CCDC178: variants seen among roughly 807,000 people sequenced by gnomAD.
CCDC178 encodes the protein coiled-coil domain-containing protein 178.
CCDC178 carries 126 observed loss-of-function variants against 117.4 expected under a neutral mutation model. The ratio of observed to expected loss-of-function variants is 1.07; its 90% confidence interval spans 0.93 to 1.24. The LOEUF is 1.24. Among genes scored for constraint, CCDC178 ranks in the 50% most tolerant of loss-of-function variants. The probability of loss-of-function intolerance (pLI) is 0.00; values close to 1 mark genes in which losing one functional copy is unlikely to be tolerated. For missense variants in CCDC178, 1,030 were observed against 986.9 expected (o/e 1.04, Z -0.59); for synonymous variants, 283 against 313.4 (o/e 0.90, Z 1.02).
At chr18:33,188,395 C>T (rs113039850) in intron 20 of CCDC178, among the ~76,000 whole-genome samples, 41 of 152,118 alleles carry the variant, frequency 2.7e-4, no homozygotes, top group African/African-American at 9.4e-4. Context: ...AATCAAATGT[C>T]CTTAAAATAT....
chr18:33,174,124 G>A (rs2058635810), intron 20 of CCDC178, among the ~76,000 whole-genome samples: 1 of 152,182 alleles, frequency 6.6e-6, no homozygotes, highest in Non-Finnish European at 1.5e-5. Flanking sequence ...CATGGTGGAA[G>A]GCAAAGGGGG....
intron 6 of CCDC178, among the ~76,000 whole-genome samples, chr18:33,359,226 T>C (rs1396459291): frequency 1.3e-5 from 2 of 151,808 alleles, no homozygotes; most frequent in East Asian, 1.9e-4. Flanking sequence ...TTGATCTTTA[T>C]AGCTCAATAG....
At chr18:33,284,689 A>G (rs1246663260) in intron 12 of CCDC178, among the ~76,000 whole-genome samples, 2 of 152,192 alleles carry the variant, frequency 1.3e-5, no homozygotes, top group Admixed American at 1.3e-4. Flanking sequence ...ATAACTTTAT[A>G]TCATAGTTTC....
chr18:33,155,531 C>T (rs906804580), intron 20 of CCDC178, among the ~76,000 whole-genome samples: 3 of 151,782 alleles, frequency 2.0e-5, no homozygotes, highest in Admixed American at 6.6e-5. Context: ...AGAGAGTAAT[C>T]ATGAAAATCT....
At chr18:33,128,595 C>A (rs756001881) in intron 20 of CCDC178, among the ~76,000 whole-genome samples, 27 of 152,102 alleles carry the variant, frequency 1.8e-4, no homozygotes, top group Non-Finnish European at 3.2e-4. Flanking sequence ...TATTTAGAAT[C>A]CTTGGCACAT....
intron 21 of CCDC178, among the ~76,000 whole-genome samples, chr18:32,975,706 A>G (rs1362933002): frequency 6.6e-6 from 1 of 152,140 alleles, no homozygotes; most frequent in Non-Finnish European, 1.5e-5. Context: ...TGCTGATATC[A>G]GCTCATTTTT....
chr18:33,220,436 TTCTC>T (rs1259878795), intron 18 of CCDC178, among the ~76,000 whole-genome samples: 4 of 152,074 alleles, frequency 2.6e-5, no homozygotes, highest in African/African-American at 9.7e-5. Flanking sequence ...CTTTACTATT[TTCTC>T]TATACCAAAA....
chr18:33,154,933 A>C (rs576111711), intron 20 of CCDC178, among the ~76,000 whole-genome samples: 4 of 152,274 alleles, frequency 2.6e-5, no homozygotes, highest in African/African-American at 9.6e-5. Context: ...TCATAGTGGG[A>C]GATTTCAACA....
intron 20 of CCDC178, among the ~76,000 whole-genome samples, chr18:33,152,409 A>AT (rs1199939689): frequency 6.6e-6 from 1 of 152,008 alleles, no homozygotes; most frequent in Non-Finnish European, 1.5e-5. Flanking sequence ...CTTTCTTTGA[A>AT]TAATGAGACA....
chr18:33,439,847 T>C (rs1233243145), intron 2 of CCDC178, 115 bp downstream of exon 2: 1 of 152,210 alleles, frequency 6.6e-6, no homozygotes, highest in African/African-American at 2.4e-5. Context: ...AAGAAAACAA[T>C]AATAGAAAAT....
intron 11 of CCDC178, among the ~76,000 whole-genome samples, chr18:33,316,218 A>G (rs2062413339): frequency 6.6e-6 from 1 of 152,022 alleles, no homozygotes. Flanking sequence ...GCTTGTGGGG[A>G]GGTGTGGAGG....
chr18:33,063,206 C>A (rs1458928403), intron 21 of CCDC178, among the ~76,000 whole-genome samples: 3 of 152,154 alleles, frequency 2.0e-5, no homozygotes, highest in African/African-American at 7.2e-5. Flanking sequence ...CCTACCCTGC[C>A]TGCCATTGCC....
chr18:33,215,834 C>A (rs533018725), intron 18 of CCDC178, 139 bp from the exon 19 acceptor site: 5 of 585,934 alleles, frequency 8.5e-6, no homozygotes, highest in Non-Finnish European at 1.1e-5. Flanking sequence ...CTCCTGTAAT[C>A]CCAGCACTTT....
intron 21 of CCDC178, among the ~76,000 whole-genome samples, chr18:32,981,393 C>G (rs983376126): frequency 1.3e-4 from 20 of 152,114 alleles, no homozygotes; most frequent in African/African-American, 4.8e-4. Flanking sequence ...TTGAATGCAT[C>G]TATACTGGTT....
intron 21 of CCDC178, among the ~76,000 whole-genome samples, chr18:33,073,009 A>T (rs2057136610): frequency 6.6e-6 from 1 of 152,096 alleles, no homozygotes; most frequent in Non-Finnish European, 1.5e-5. Flanking sequence ...GGATTTTTCT[A>T]GACTTTTTAC....
At chr18:33,406,064 C>T (rs533827982) in intron 3 of CCDC178, among the ~76,000 whole-genome samples, 1 of 152,116 alleles carries the variant, frequency 6.6e-6, no homozygotes, top group Admixed American at 6.6e-5. Flanking sequence ...ATCCAATACA[C>T]ATTATCTAAG....
intron 20 of CCDC178, among the ~76,000 whole-genome samples, chr18:33,187,081 C>T (rs175251): frequency 0.92 from 138,793 of 150,520 alleles, 65,110 homozygotes; most frequent in East Asian, 1. Context: ...TCTTACATGG[C>T]GGCAGGAGAG....
intron 21 of CCDC178, among the ~76,000 whole-genome samples, chr18:33,057,159 G>A (rs1203116617): frequency 2.0e-5 from 3 of 152,114 alleles, no homozygotes; most frequent in African/African-American, 4.8e-5. Context: ...GGGGGACTAT[G>A]AGAAAACTAC....
chr18:33,297,302 T>C (rs1367593716), intron 11 of CCDC178, among the ~76,000 whole-genome samples: 1 of 151,798 alleles, frequency 6.6e-6, no homozygotes, highest in Non-Finnish European at 1.5e-5. Flanking sequence ...AAACCAAAAT[T>C]ACAATAAGTA....
Sources: gnomAD v4.1 joint callset for allele counts (sites outside exome capture counted in the v4.1 genomes callset) on GRCh38, gnomAD v4.1.1 for gene constraint, MANE v1.5 for transcripts, NCBI Gene and HGNC (gene_info 2026-07-23, HGNC 2026-07-21) for gene names.